The following LDB2 variants were observed in gnomAD, a reference collection of about 807,000 sequenced individuals.
The protein encoded by LDB2 is LIM domain binding 2.
A neutral mutation model predicts 44.3 loss-of-function variants in LDB2; 12 were observed. The ratio of observed to expected loss-of-function variants is 0.27; its 90% CI spans 0.17 to 0.44. LDB2 has a LOEUF of 0.44. LDB2 is among the 20% of genes least tolerant of loss of function. The pLI is 1.00. For synonymous variants in LDB2, 164 were observed against 174.8 expected, an observed-to-expected ratio of 0.94 and a Z score of 0.49; for missense variants, 344 against 473.5, an observed-to-expected ratio of 0.73 and a Z score of 2.54.
At chr4:16,648,915 G>A (rs763562884) in intron 2 of LDB2, among the ~76,000 whole-genome samples, 8 of 152,078 alleles carry the variant, frequency 5.3e-5, no homozygotes, top group Non-Finnish European at 1.2e-4. Flanking sequence ...TTCTAAGTAA[G>A]TACAAAGCAG....
chr4:16,821,746 CAAAAAAAAAAAAA>C, intron 1 of LDB2, among the ~76,000 whole-genome samples: 1 of 61,738 alleles, frequency 1.6e-5, no homozygotes, highest in South Asian at 7.3e-4. Flanking sequence ...AACATTAAAG[CAAAAAAAAAAAAA>C]AAAAAAAAAA....
intron 1 of LDB2, among the ~76,000 whole-genome samples, chr4:16,804,429 G>T (rs932397045): frequency 9.2e-5 from 14 of 152,080 alleles, no homozygotes; most frequent in African/African-American, 3.4e-4. Flanking sequence ...CTTCTAAATT[G>T]TCCCCTGTAT....
chr4:16,857,455 A>G (rs947148133), intron 1 of LDB2, among the ~76,000 whole-genome samples: 1 of 152,178 alleles, frequency 6.6e-6, no homozygotes, highest in Non-Finnish European at 1.5e-5. Context: ...CATTACACAA[A>G]GTTTAATTCA....
intron 2 of LDB2, among the ~76,000 whole-genome samples, chr4:16,672,538 T>C (rs188053600): frequency 1.3e-5 from 2 of 152,302 alleles, no homozygotes; most frequent in African/African-American, 4.8e-5. Flanking sequence ...TTTTAAACTA[T>C]ACTACTGGGA....
chr4:16,754,441 G>A (rs528012235), intron 2 of LDB2, among the ~76,000 whole-genome samples: 1 of 152,196 alleles, frequency 6.6e-6, no homozygotes, highest in East Asian at 1.9e-4. Context: ...ATGATAATAA[G>A]TATTGATCAT....
intron 1 of LDB2, among the ~76,000 whole-genome samples, chr4:16,858,412 G>A (rs1005241597): frequency 7.2e-5 from 11 of 152,220 alleles, no homozygotes; most frequent in South Asian, 2.1e-4. Context: ...ACGAGCCAGT[G>A]GTTGGGCTTC....
At chr4:16,726,498 A>T (rs991224507) in intron 2 of LDB2, 2 of 152,018 alleles carry the variant, frequency 1.3e-5, no homozygotes, top group African/African-American at 4.8e-5. Context: ...TGAGAAGAAA[A>T]CTGCAGCGCC....
intron 2 of LDB2, among the ~76,000 whole-genome samples, chr4:16,647,491 T>C (rs377297645): frequency 6.6e-6 from 1 of 152,196 alleles, no homozygotes; most frequent in African/African-American, 2.4e-5. Context: ...TTCTGAATAG[T>C]GTGCATAAGA....
At chr4:16,800,308 T>G (rs1777554524) in intron 1 of LDB2, among the ~76,000 whole-genome samples, 1 of 152,186 alleles carries the variant, frequency 6.6e-6, no homozygotes, top group East Asian at 1.9e-4. Flanking sequence ...CATGCATTAT[T>G]TGTATCGAGT....
chr4:16,768,025 G>A (rs541431342), intron 1 of LDB2, among the ~76,000 whole-genome samples: 86 of 152,088 alleles, frequency 5.7e-4, no homozygotes, highest in South Asian at 3.1e-3. Context: ...GCTGCCCCTC[G>A]GCATCTTTAA....
chr4:16,576,841 C>A (rs2152410282), intron 5 of LDB2, among the ~76,000 whole-genome samples: 1 of 152,264 alleles, frequency 6.6e-6, no homozygotes. Flanking sequence ...CAATAAAATA[C>A]TATCAAGCCA....
At chr4:16,554,774 G>A (rs889462277) in intron 5 of LDB2, among the ~76,000 whole-genome samples, 3 of 152,158 alleles carry the variant, frequency 2.0e-5, no homozygotes, top group Non-Finnish European at 2.9e-5. Flanking sequence ...GGGGAGAGAC[G>A]GATGAACAGG....
At chr4:16,563,061 T>C (rs1743006034) in intron 5 of LDB2, among the ~76,000 whole-genome samples, 1 of 150,562 alleles carries the variant, frequency 6.6e-6, no homozygotes, top group Admixed American at 6.6e-5. Flanking sequence ...CTCTGGGGAC[T>C]GTTGTGGGGT....
chr4:16,792,735 GC>G (rs1442687794), intron 1 of LDB2, among the ~76,000 whole-genome samples: 2 of 152,176 alleles, frequency 1.3e-5, no homozygotes, highest in Non-Finnish European at 2.9e-5. Context: ...GCTCCTGTCT[GC>G]AGTTAAACAG....
intron 1 of LDB2, among the ~76,000 whole-genome samples, chr4:16,882,719 T>G (rs938052583): frequency 2.6e-5 from 4 of 151,974 alleles, no homozygotes; most frequent in African/African-American, 7.2e-5. Flanking sequence ...AATACAGTAT[T>G]TTTTTTTCAA....
chr4:16,838,858 T>C (rs1561399991), intron 1 of LDB2, among the ~76,000 whole-genome samples: 1 of 152,202 alleles, frequency 6.6e-6, no homozygotes, highest in Non-Finnish European at 1.5e-5. Context: ...AAATGCACAA[T>C]AGGCATAGTC....
intron 1 of LDB2, among the ~76,000 whole-genome samples, chr4:16,833,837 C>T (rs1213427882): frequency 7.2e-5 from 11 of 151,950 alleles, no homozygotes; most frequent in African/African-American, 2.4e-4. Flanking sequence ...CACCACACCC[C>T]GCCCTCCTCA....
intron 5 of LDB2, among the ~76,000 whole-genome samples, chr4:16,529,748 G>A (rs900239083): frequency 6.6e-6 from 1 of 152,102 alleles, no homozygotes; most frequent in Non-Finnish European, 1.5e-5. Context: ...TCTGTATATG[G>A]TGTTTGAAAA....
chr4:16,529,721 G>C (rs1729480914), intron 5 of LDB2, among the ~76,000 whole-genome samples: 1 of 152,096 alleles, frequency 6.6e-6, no homozygotes, highest in South Asian at 2.1e-4. Flanking sequence ...CTTGTCCCCT[G>C]GGTCCTTTAC....
Sources: gnomAD v4.1 joint callset for allele counts (sites outside exome capture counted in the v4.1 genomes callset) on GRCh38, gnomAD v4.1.1 for gene constraint, MANE v1.5 for transcripts, NCBI Gene and HGNC (gene_info 2026-07-23, HGNC 2026-07-21) for gene names.